MIP: variants seen among roughly 807,000 people sequenced by gnomAD.
The protein encoded by MIP is major intrinsic protein of lens fiber, also known as lens fiber major intrinsic protein.
A neutral mutation model predicts 21.8 loss-of-function variants in MIP; 14 were observed. That is an observed-to-expected ratio of 0.64 (90% CI 0.42 to 1.00). MIP has a LOEUF of 1.00. Ranked by LOEUF, MIP falls within the 50% of genes least tolerant of loss-of-function variation. MIP has a pLI of 0.00. For missense variants in MIP, 260 were observed against 333.5 expected, an observed-to-expected ratio of 0.78 and a Z score of 1.72; for synonymous variants, 133 against 141.4, an observed-to-expected ratio of 0.94 and a Z score of 0.42.
rs1367751347 is a variant in MIP, at chr12:56,450,121, T to C, written c.*1159A>G. 1 of 151,902 alleles carries C rather than the reference T, an allele frequency of 6.6e-6. No individual in the cohort carries two copies. Among genetic ancestry groups the C allele is most frequent in the Non-Finnish European group, 1.5e-5 (1 of 68,014 alleles). The allele number at this position is 151,902 out of a possible 1,614,324, so 9.4% of individuals were successfully genotyped here. A position where few individuals can be genotyped will look rare whatever the true frequency, so the allele number is the denominator to read the frequency against. ...CATTTGAATAGAAGGAATCAATTTC[T>C]GGGGTATGAGGGAGTTAGAAGAGAT... On this transcript the variant is annotated 3_prime_UTR_variant, in exon 4 of 4. Transcript: ENST00000652304.
At chr12:56,453,237 G>T in intron 2 of MIP, 85 bp from the exon 3 acceptor site, 1 of 1,010,130 alleles carries the variant, frequency 9.9e-7, no homozygotes, top group Non-Finnish European at 1.6e-6. Flanking sequence ...CCTGAGAGCT[G>T]CCATCTTTTC....
At chr12:56,455,268 C>T (rs1868758837), upstream of MIP, among the ~76,000 whole-genome samples, 1 of 152,118 alleles carries the variant, frequency 6.6e-6, no homozygotes, top group Non-Finnish European at 1.5e-5. Context: ...GCCCGGGTTC[C>T]CTACCCCCAG....
chr12:56,450,275 T>A lies in MIP; in HGVS notation c.*1005A>T, dbSNP rs1868548053. On this transcript the variant is annotated 3_prime_UTR_variant, in exon 4 of 4. Coordinates refer to ENST00000652304, the MANE Select transcript of MIP (RefSeq NM_012064.4). Reference sequence around the variant, plus strand: ...GAGGAGTGTTTTGATTTGCTCTAAATAAATTAGAACAGAGTCAAAGCCTCT... The same window carrying A: ...GAGGAGTGTTTTGATTTGCTCTAAAAAAATTAGAACAGAGTCAAAGCCTCT... 1 of 152,140 alleles carries A rather than the reference T, an allele frequency of 6.6e-6. No individual in the cohort carries two copies. The highest frequency in any genetic ancestry group is 2.1e-4 in the South Asian group (1 of 4,824). 9.4% of individuals were successfully genotyped at this position (152,140 alleles called of 1,614,324 possible). A position where few individuals can be genotyped will look rare whatever the true frequency, so the allele number is the denominator to read the frequency against.
rs537982051 is a variant in MIP at position 56,451,651 on chromosome 12, T to C, written c.607-186A>G. 1.3e-4 allele frequency among the ~76,000 whole-genome samples: 20 copies of C among 152,354 alleles called. No homozygotes were observed. In the South Asian group the frequency reaches 3.7e-3, roughly 28 times the overall value. Reference sequence around the variant, plus strand: ...ACACCTTAGCATGTGTATATTCTATTTGTTATCAATTTGCACTAGTTTGTA... The same window carrying C: ...ACACCTTAGCATGTGTATATTCTATCTGTTATCAATTTGCACTAGTTTGTA... On this transcript the variant is annotated intron_variant, in intron 3 of 3. Transcript: ENST00000652304.
upstream of MIP, among the ~76,000 whole-genome samples, chr12:56,456,336 G>A (rs1868789109): frequency 6.6e-6 from 1 of 152,132 alleles, no homozygotes; most frequent in African/African-American, 2.4e-5. Flanking sequence ...ATTAGGTGAG[G>A]ATAAAAAGTG....
chr12:56,454,554 G>T lies in MIP; in HGVS notation c.60C>A (p.Thr20=), dbSNP rs765691188. ...CCAGCCCAAAGAAGACATAGAAGAG[G>T]GTGGCAAAGAACTCAGCGAATATGG... ...WRAIFAEFFA[T]LFYVFFGLGS... is the part of the protein sequence containing the mutation. The change falls in exon 1 of 4, where the codon ACC becomes ACA. Residue 20 remains threonine, a synonymous_variant. Coordinates refer to ENST00000652304, the MANE Select transcript of MIP (RefSeq NM_012064.4). The T allele has an allele frequency of 1.9e-6, 3 of 1,614,002 alleles. No homozygotes were observed. In the South Asian group the frequency reaches 3.3e-5, roughly 18 times the overall value.
intron 3 of MIP, 89 bp downstream of exon 3, chr12:56,452,983 G>A (rs776855159): frequency 3.9e-5 from 35 of 906,750 alleles, no homozygotes; most frequent in Non-Finnish European, 5.0e-5. Context: ...GCCAACACAC[G>A]CAGAAGGAAA....
upstream of MIP, among the ~76,000 whole-genome samples, chr12:56,455,781 G>A (rs1301099977): frequency 1.3e-5 from 2 of 152,142 alleles, no homozygotes; most frequent in Admixed American, 6.5e-5. Flanking sequence ...CCACATAGTG[G>A]CAAGTCATAC....
Position 56,453,629 on chromosome 12 carries a change from C to T in MIP, c.487G>A (p.Ala163Thr). The T allele has an allele frequency of 6.2e-7, 1 of 1,614,242 alleles. No individual in the cohort carries two copies. Among genetic ancestry groups the T allele is most frequent in the Non-Finnish European group, 8.5e-7 (1 of 1,180,042 alleles). ...RNGQLGSVAL[A>T]VGFSLALGHL... ...CCCAGGGCAAGGGAGAAGCCAACGG[C>T]CAGGGCCACGGAGCCCAGTTGGCCA... is the stretch of plus-strand genomic sequence containing the variant. The change falls in exon 2 of 4, where the codon GCC (alanine) becomes ACC (threonine). Residue 163 changes from alanine (A) to threonine (T), a missense_variant. Transcript: ENST00000652304.
chr12:56,453,137 C>T lies in MIP; in HGVS notation c.541G>A (p.Ala181Thr), dbSNP rs777835431. 6.2e-7 allele frequency: 1 copy of T among 1,613,022 alleles called. No individual in the cohort carries two copies. The highest frequency in any genetic ancestry group is 1.7e-5 in the Admixed American group (1 of 60,008). Residue 181 changes from alanine to threonine, a missense_variant, in exon 3 of 4, where the codon GCA becomes ACA. Coordinates refer to ENST00000652304, the MANE Select transcript of MIP (RefSeq NM_012064.4). ...AAGGAGCGGGCAGGATTCATGCCTG[C>T]ACCAGTATAATACATCTGCAAAAGA... ...GHLFGMYYTGAGMNPARSFAP... is the reference protein window; with the variant it reads ...GHLFGMYYTGTGMNPARSFAP...
At chr12:56,452,525 T>C (rs1565693969) in intron 3 of MIP, 1 of 163,456 alleles carries the variant, frequency 6.1e-6, no homozygotes, top group Non-Finnish European at 1.3e-5. Flanking sequence ...TATTTCCATA[T>C]GTTTGGCTTG....
In MIP at chr12:56,450,365, G is replaced by C. The variant is rs550837177; in HGVS notation, c.*915C>G. ...TCCAGGAATCAGATTTCCTGTGTTG[G>C]CCTTAGGGAACAATTGTGGGGCTTA... On this transcript the variant is annotated 3_prime_UTR_variant, in exon 4 of 4. Coordinates refer to ENST00000652304, the MANE Select transcript of MIP (RefSeq NM_012064.4). 9.2e-5 allele frequency: 14 copies of C among 152,266 alleles called. 1 individual carries two copies. Among genetic ancestry groups the C allele is most frequent in the African/African-American group, 3.4e-4 (14 of 41,538 alleles). 9.4% of individuals were successfully genotyped at this position (152,266 alleles called of 1,614,324 possible). A position where few individuals can be genotyped will look rare whatever the true frequency, so the allele number is the denominator to read the frequency against.
upstream of MIP, chr12:56,454,779 C>T: frequency 1.3e-6 from 1 of 752,592 alleles, no homozygotes; most frequent in South Asian, 1.9e-5. Context: ...GTCCCCTCCC[C>T]TACATGGTAA....
At chr12:56,454,195 G>T (rs1280746667) in intron 1 of MIP, 59 bp downstream of exon 1, 44 of 1,611,230 alleles carry the variant, frequency 2.7e-5, no homozygotes, top group Non-Finnish European at 3.5e-5. Context: ...CAGTCAGGGA[G>T]TCAGGGCAAT....
chr12:56,453,065 C>CA lies in MIP; in HGVS notation c.606+6dup, dbSNP rs766129944. The stretch of plus-strand genomic sequence containing the variant: ...CTTCAGGATCTTGCCCCTCTCCCTT[C>CA]ACTCACCCAGTGGTTAGTGAAGTTC... On this transcript the variant is annotated splice_region_variant and intron_variant, in intron 3 of 3. Transcript: ENST00000652304. 6.3e-7 allele frequency: 1 copy of CA among 1,599,402 alleles called. No homozygotes were observed. Among genetic ancestry groups the CA allele is most frequent in the Non-Finnish European group, 8.6e-7 (1 of 1,166,606 alleles).
In MIP at chr12:56,451,443, A is replaced by G; in HGVS notation, c.629T>C (p.Ile210Thr). The change falls in exon 4 of 4, where the codon ATT (isoleucine) becomes ACT (threonine). Residue 210 changes from isoleucine to threonine, a missense_variant. Physicochemically the swap from Ile to Thr is moderately conservative, Grantham distance 89. Coordinates refer to ENST00000652304, the MANE Select transcript of MIP (RefSeq NM_012064.4). ...NHWVYWVGPIIGGGLGSLLYD... is the reference protein window; with the variant it reads ...NHWVYWVGPITGGGLGSLLYD... Reference sequence around the variant, plus strand: ...CAGGAGGCTGCCCAGACCCCCTCCAATGATTGGGCCTACCCAGTACACCTG... The same window carrying G: ...CAGGAGGCTGCCCAGACCCCCTCCAGTGATTGGGCCTACCCAGTACACCTG... The G allele has an allele frequency of 6.2e-7, 1 of 1,614,160 alleles. No homozygotes were observed. Among genetic ancestry groups the G allele is most frequent in the South Asian group, 1.1e-5 (1 of 91,078 alleles).
At position 56,452,571 on chromosome 12, in the gene MIP, T is replaced by C. The variant is rs1401616696; in HGVS notation, c.606+501A>G. Reference sequence around the variant, plus strand: ...ACATAACCAATATTTATTGAGTGCTTACTTTATATCAGATTCTGTGCTAAA... The same window carrying C: ...ACATAACCAATATTTATTGAGTGCTCACTTTATATCAGATTCTGTGCTAAA... On this transcript the variant is annotated intron_variant, in intron 3 of 3. Transcript: ENST00000652304. 11 of 179,164 alleles carry C rather than the reference T, an allele frequency of 6.1e-5. No individual in the cohort carries two copies. In the South Asian group the frequency reaches 1.2e-3, roughly 20 times the overall value. The allele number at this position is 179,164 out of a possible 1,614,324, so 11.1% of individuals were successfully genotyped here. A position where few individuals can be genotyped will look rare whatever the true frequency, so the allele number is the denominator to read the frequency against.
chr12:56,454,278 G>C lies in MIP; in HGVS notation c.336C>G (p.Val112=), dbSNP rs762458741. 5.6e-6 allele frequency: 9 copies of C among 1,613,990 alleles called. No homozygotes were observed. Among genetic ancestry groups the C allele is most frequent in the South Asian group, 1.1e-5 (1 of 91,076 alleles). The change falls in exon 1 of 4, where the codon GTC becomes GTG. Residue 112 remains valine (V), a synonymous_variant. Coordinates refer to ENST00000652304, the MANE Select transcript of MIP (RefSeq NM_012064.4). The part of the protein sequence containing the change: ...AVLYSVTPPA[V]RGNLALNTLH... ...CCGTGTTGAGTGCTAGGTTTCCTCG[G>C]ACAGCAGGTGGGGTAACGCTATACA...
At chr12:56,451,569 A>G in intron 3 of MIP, 104 bp from the exon 4 acceptor site, 2 of 916,476 alleles carry the variant, frequency 2.2e-6, no homozygotes, top group Non-Finnish European at 3.5e-6. Flanking sequence ...TGTACACTTG[A>G]TATCTACAAT....
Sources: allele counts gnomAD v4.1 joint callset (sites outside exome capture counted in the v4.1 genomes callset), GRCh38; gene constraint gnomAD v4.1.1; transcripts MANE v1.5; gene names NCBI Gene and HGNC (gene_info 2026-07-23, HGNC 2026-07-21).